Variants in ENTPD7 observed in about 807,000 individuals in gnomAD.
ENTPD7 encodes NTPDase 7.
Under a neutral mutation model 77.9 loss-of-function variants are expected in ENTPD7, and 53 were observed. That is an observed-to-expected ratio of 0.68 (90% CI 0.55 to 0.85). The LOEUF (loss-of-function observed/expected upper bound fraction) is 0.85, where lower values mean the gene tolerates loss of function less well. Among genes scored for constraint, ENTPD7 ranks in the 40% least tolerant of loss-of-function variants. The pLI is 0.00. For missense variants in ENTPD7, 636 were observed against 743.7 expected, an observed-to-expected ratio of 0.86 and a Z score of 1.68; for synonymous variants, 248 against 274.9, an observed-to-expected ratio of 0.90 and a Z score of 0.97.
At chr10:99,676,921 TTC>T (rs943158904) in intron 3 of ENTPD7, among the ~76,000 whole-genome samples, 9 of 152,228 alleles carry the variant, frequency 5.9e-5, no homozygotes, top group Admixed American at 1.3e-4. Flanking sequence ...CAGTTCCCTG[TTC>T]TCTTTTTTAA....
At position 99,705,114 on chromosome 10, in the gene ENTPD7, C is replaced by T. The variant is rs2036226536; in HGVS notation, c.*431C>T. The T allele has an allele frequency of 5.4e-6, 1 of 186,242 alleles. No individual in the cohort carries two copies. Among genetic ancestry groups the T allele is most frequent in the Non-Finnish European group, 1.2e-5 (1 of 86,710 alleles). 11.5% of individuals were successfully genotyped at this position (186,242 alleles called of 1,614,324 possible). On this transcript the variant is annotated 3_prime_UTR_variant, in exon 13 of 13. Coordinates refer to ENST00000370489, the MANE Select transcript of ENTPD7 (RefSeq NM_020354.5). Reference sequence around the variant, plus strand: ...GCAAGTGCAGCAGCCCCTTCTTTCTCTGTAACAGAGATATCATTTATGTGG... The same window carrying T: ...GCAAGTGCAGCAGCCCCTTCTTTCTTTGTAACAGAGATATCATTTATGTGG...
intron 3 of ENTPD7, among the ~76,000 whole-genome samples, chr10:99,669,838 C>G (rs1003514983): frequency 4.0e-5 from 6 of 149,120 alleles, no homozygotes; most frequent in Admixed American, 4.0e-4. Context: ...CAAGCTCCGC[C>G]TCCCGGGTTC....
At chr10:99,692,102 T>G (rs2035892233) in intron 8 of ENTPD7, among the ~76,000 whole-genome samples, 1 of 152,234 alleles carries the variant, frequency 6.6e-6, no homozygotes, top group Non-Finnish European at 1.5e-5. Context: ...GGAATAGACA[T>G]GTGAGTTACA....
intron 11 of ENTPD7, among the ~76,000 whole-genome samples, chr10:99,701,476 A>G (rs1351500016): frequency 6.6e-6 from 1 of 151,226 alleles, no homozygotes; most frequent in African/African-American, 2.4e-5. Context: ...TTTTGTAGAG[A>G]CGGGGTTTCG....
At chr10:99,697,121 T>C (rs1000509325) in intron 9 of ENTPD7, among the ~76,000 whole-genome samples, 4 of 152,174 alleles carry the variant, frequency 2.6e-5, no homozygotes, top group African/African-American at 9.7e-5. Context: ...TTGAAGAAAA[T>C]ATTGTCCCAT....
intron 3 of ENTPD7, among the ~76,000 whole-genome samples, chr10:99,669,748 T>TG (rs1435945749): frequency 2.4e-5 from 3 of 125,350 alleles, no homozygotes; most frequent in Non-Finnish European, 5.1e-5. Context: ...TGGTTTTTTT[T>TG]TTTTTTTTTT....
rs1234587344 is a variant in ENTPD7, at chr10:99,704,932, A to G, written c.*249A>G. On this transcript the variant is annotated 3_prime_UTR_variant, in exon 13 of 13. Transcript: ENST00000370489. The stretch of plus-strand genomic sequence containing the variant: ...TAATACGGGGGACCAAGCTTTGTCC[A>G]AGTGAAGCAGGCTTCGACTCCTTCT... The G allele has an allele frequency of 1.9e-6, 1 of 520,624 alleles. No individual in the cohort carries two copies. 32.3% of individuals were successfully genotyped at this position (520,624 alleles called of 1,614,324 possible).
At chr10:99,686,916 CTTT>C (rs11325544) in intron 6 of ENTPD7, among the ~76,000 whole-genome samples, 12 of 98,058 alleles carry the variant, frequency 1.2e-4, no homozygotes, top group Admixed American at 2.1e-4. Context: ...GGCTGTGAAT[CTTT>C]TTTTTTTTTT....
At chr10:99,679,964 T>C in intron 5 of ENTPD7, 89 bp downstream of exon 5, 2 of 1,460,242 alleles carry the variant, frequency 1.4e-6, no homozygotes, top group Admixed American at 4.6e-5. Flanking sequence ...GGTTCCCTGG[T>C]CTATACCCCT....
chr10:99,661,514 G>T lies in ENTPD7; in HGVS notation c.77G>T (p.Arg26Leu), dbSNP rs143637078. The T allele has an allele frequency of 1.2e-6, 2 of 1,613,760 alleles. No homozygotes were observed. The highest frequency in any genetic ancestry group is 3.3e-5 in the Admixed American group (2 of 59,956). Residue 26 changes from arginine to leucine, a missense_variant, in exon 3 of 13, where the codon CGT (arginine) becomes CTT (leucine). Coordinates refer to ENST00000370489, the MANE Select transcript of ENTPD7 (RefSeq NM_020354.5). ...GTGCCCACAGTGAGTCCATTTCTCCGTCAGCGGGTGGCATTCCTGGGACTC... is the reference window on the plus strand; with the variant it reads ...GTGCCCACAGTGAGTCCATTTCTCCTTCAGCGGGTGGCATTCCTGGGACTC... The part of the protein sequence containing the change: ...FTVPTVSPFL[R>L]QRVAFLGLFF...
At position 99,709,216 on chromosome 10, in the gene ENTPD7, G is replaced by A; in HGVS notation, c.*4533G>A. 1.0e-6 allele frequency: 1 copy of A among 985,234 alleles called. No individual in the cohort carries two copies. Among genetic ancestry groups the A allele is most frequent in the Non-Finnish European group, 1.2e-6 (1 of 829,888 alleles). 61.0% of individuals were successfully genotyped at this position (985,234 alleles called of 1,614,324 possible). A position where few individuals can be genotyped will look rare whatever the true frequency, so the allele number is the denominator to read the frequency against. ...TTAAAGAACTTCGTTGTAATTCTTG[G>A]GCAGTTTCCAGACTCTGTTACAGAA... On this transcript the variant is annotated 3_prime_UTR_variant, in exon 13 of 13. Transcript: ENST00000370489.
intron 2 of ENTPD7, chr10:99,660,353 A>G (rs1361738036): frequency 1.7e-6 from 2 of 1,162,986 alleles, no homozygotes; most frequent in African/African-American, 3.2e-5. Flanking sequence ...TACAAAGTGA[A>G]CTTCACAGAT....
chr10:99,661,294 C>T, intron 2 of ENTPD7, 152 bp from the exon 3 acceptor site: 1 of 633,490 alleles, frequency 1.6e-6, no homozygotes, highest in East Asian at 3.0e-5. Flanking sequence ...GCACCATGAG[C>T]TTCTTCTAAA....
chr10:99,675,160 G>C (rs1462746639), intron 3 of ENTPD7, among the ~76,000 whole-genome samples: 1 of 152,154 alleles, frequency 6.6e-6, no homozygotes, highest in Non-Finnish European at 1.5e-5. Flanking sequence ...AAATAAACCT[G>C]TCACTTCATG....
At chr10:99,681,693 C>T (rs941516140) in intron 5 of ENTPD7, among the ~76,000 whole-genome samples, 1 of 152,198 alleles carries the variant, frequency 6.6e-6, no homozygotes, top group African/African-American at 2.4e-5. Context: ...GCCCTGCCAA[C>T]ACTTGTTGTC....
intron 6 of ENTPD7, among the ~76,000 whole-genome samples, chr10:99,687,399 G>A (rs2035829364): frequency 6.7e-6 from 1 of 149,794 alleles, no homozygotes; most frequent in Non-Finnish European, 1.5e-5. Context: ...CCGAGTAGCT[G>A]GGACTATAGG....
intron 10 of ENTPD7, among the ~76,000 whole-genome samples, chr10:99,700,080 C>A (rs776366749): frequency 6.6e-6 from 1 of 152,148 alleles, no homozygotes; most frequent in African/African-American, 2.4e-5. Context: ...GCCTCCAGGA[C>A]GACCTTCACG....
At chr10:99,686,329 A>G (rs1217749033) in intron 6 of ENTPD7, among the ~76,000 whole-genome samples, 1 of 152,174 alleles carries the variant, frequency 6.6e-6, no homozygotes, top group Non-Finnish European at 1.5e-5. Context: ...TTATGCCTTC[A>G]TTGCAATTAC....
rs556886606 is a variant in ENTPD7 at position 99,708,414 on chromosome 10, C to A, written c.*3731C>A. Among the ~76,000 whole-genome samples the A allele has an allele frequency of 8.5e-5, 13 of 152,266 alleles. No homozygotes were observed. In the South Asian group the frequency reaches 2.5e-3, roughly 29 times the overall value. On this transcript the variant is annotated 3_prime_UTR_variant, in exon 13 of 13. Transcript: ENST00000370489. ...GAGTGGTATCACTTAAGGGAAAGAA[C>A]AGTAGGCTTAACGAATAGCAGACCT...
Sources: allele counts gnomAD v4.1 joint callset (sites outside exome capture counted in the v4.1 genomes callset), GRCh38; gene constraint gnomAD v4.1.1; transcripts MANE v1.5; gene names NCBI Gene and HGNC (gene_info 2026-07-23, HGNC 2026-07-21).